NR3C2: variants seen among roughly 807,000 people sequenced by gnomAD.
NR3C2 encodes the protein mineralocorticoid receptor.
A neutral mutation model predicts 86.4 loss-of-function variants in NR3C2; 15 were observed. That is an observed-to-expected ratio of 0.17 (90% CI 0.12 to 0.27). The LOEUF is 0.27. Ranked by LOEUF, NR3C2 falls within the 10% of genes least tolerant of loss-of-function variation. NR3C2 has a pLI of 1.00. For synonymous variants in NR3C2, 458 were observed against 450.5 expected, an observed-to-expected ratio of 1.02 and a Z score of -0.21; for missense variants, 960 against 1,195.6, an observed-to-expected ratio of 0.80 and a Z score of 2.91.
chr4:148,377,905 T>C (rs573512971), intron 2 of NR3C2, among the ~76,000 whole-genome samples: 11 of 151,978 alleles, frequency 7.2e-5, no homozygotes, highest in Non-Finnish European at 1.3e-4. Context: ...GAGAAAGAAA[T>C]GGGTGTGTGG....
At chr4:148,284,267 C>T (rs1309666973) in intron 2 of NR3C2, among the ~76,000 whole-genome samples, 2 of 151,992 alleles carry the variant, frequency 1.3e-5, no homozygotes, top group Non-Finnish European at 2.9e-5. Flanking sequence ...ATTAGAAGGC[C>T]AACCCTCTAC....
intron 2 of NR3C2, among the ~76,000 whole-genome samples, chr4:148,332,395 C>T (rs1172530311): frequency 6.6e-6 from 1 of 151,142 alleles, no homozygotes; most frequent in African/African-American, 2.4e-5. Context: ...TATGATATAA[C>T]CTTTGATGTA....
At chr4:148,317,375 G>A (rs1334001448) in intron 2 of NR3C2, among the ~76,000 whole-genome samples, 1 of 149,176 alleles carries the variant, frequency 6.7e-6, no homozygotes, top group South Asian at 2.1e-4. Flanking sequence ...AAGAAAAAAA[G>A]AAAAAAAAGA....
chr4:148,240,737 C>T (rs1223265504), intron 3 of NR3C2, among the ~76,000 whole-genome samples: 1 of 152,152 alleles, frequency 6.6e-6, no homozygotes, highest in Non-Finnish European at 1.5e-5. Flanking sequence ...TTTTTCCATC[C>T]ACTCCTATTA....
In NR3C2 at chr4:148,126,907, C is replaced by G. The variant is rs143895987; in HGVS notation, c.2511-6619G>C. Among the ~76,000 whole-genome samples the G allele has an allele frequency of 8.3e-3, 1,258 of 152,220 alleles. 60 individuals carry two copies. The highest frequency in any genetic ancestry group is 0.078 in the Admixed American group (1,186 of 15,268). ...TACATGTGAAGCCAGGATCCAAACC[C>G]AGGTTTTTTACTTCAAAACTCAGGC... On this transcript the variant is annotated intron_variant, in intron 6 of 8. Transcript: ENST00000358102.
intron 2 of NR3C2, among the ~76,000 whole-genome samples, chr4:148,320,690 G>T (rs911141082): frequency 6.6e-6 from 1 of 151,986 alleles, no homozygotes; most frequent in African/African-American, 2.4e-5. Flanking sequence ...TTCTCTGATG[G>T]TAGTTTGTAT....
intron 3 of NR3C2, among the ~76,000 whole-genome samples, chr4:148,215,780 G>T (rs868256284): frequency 7.4e-6 from 1 of 134,454 alleles, no homozygotes; most frequent in African/African-American, 2.8e-5. Flanking sequence ...TTGAGGCATA[G>T]TTTTTTTTTT....
intron 2 of NR3C2, among the ~76,000 whole-genome samples, chr4:148,327,753 TGAGATGAAATTGTTTG>T (rs1407261112): frequency 1.3e-5 from 2 of 152,220 alleles, no homozygotes; most frequent in African/African-American, 4.8e-5. Context: ...ACTACCAAGC[TGAGATGAAATTGTTTG>T]GTCTCATCTC....
intron 1 of NR3C2, among the ~76,000 whole-genome samples, chr4:148,441,708 A>C (rs1438946604): frequency 6.6e-6 from 1 of 152,192 alleles, no homozygotes; most frequent in African/African-American, 2.4e-5. Context: ...AAATGCACGA[A>C]TTTCCAGAGC....
intron 2 of NR3C2, among the ~76,000 whole-genome samples, chr4:148,310,303 T>C (rs755826712): frequency 6.6e-6 from 1 of 152,148 alleles, no homozygotes; most frequent in Non-Finnish European, 1.5e-5. Flanking sequence ...CTCCATGTAC[T>C]CCACACCTGC....
intron 6 of NR3C2, among the ~76,000 whole-genome samples, chr4:148,124,460 G>A (rs1325575982): frequency 7.9e-5 from 12 of 152,106 alleles, no homozygotes; most frequent in Non-Finnish European, 1.6e-4. Flanking sequence ...TAGTCTAATT[G>A]TCATTCTCCT....
At chr4:148,397,801 C>G (rs1334906955) in intron 2 of NR3C2, among the ~76,000 whole-genome samples, 1 of 152,086 alleles carries the variant, frequency 6.6e-6, no homozygotes, top group Non-Finnish European at 1.5e-5. Context: ...TTTCAATAAA[C>G]CTAAAATATC....
intron 8 of NR3C2, among the ~76,000 whole-genome samples, chr4:148,106,103 A>C (rs1416576299): frequency 6.6e-6 from 1 of 152,192 alleles, no homozygotes; most frequent in Non-Finnish European, 1.5e-5. Context: ...ATGATTCTAT[A>C]TTTAGAAAAC....
rs927688206 is a variant in NR3C2, at chr4:148,080,086, G to A, written c.*1258C>T. The A allele has an allele frequency of 6.6e-5, 10 of 152,180 alleles. No individual in the cohort carries two copies. The highest frequency in any genetic ancestry group is 2.2e-4 in the African/African-American group (9 of 41,446). The allele number at this position is 152,180 out of a possible 1,614,324, so 9.4% of individuals were successfully genotyped here. ...CTGGTTCTGCTTCTAGAGGAAAAGG[G>A]AAACGAGGCAGCTTTCCCAAAGCTG... On this transcript the variant is annotated 3_prime_UTR_variant, in exon 9 of 9. Transcript: ENST00000358102.
intron 4 of NR3C2, among the ~76,000 whole-genome samples, chr4:148,166,828 C>T (rs546763776): frequency 4.0e-5 from 6 of 150,902 alleles, no homozygotes; most frequent in Non-Finnish European, 7.4e-5. Flanking sequence ...GTGAAGGACC[C>T]GTCCTGGGAG....
At chr4:148,147,715 T>C (rs908607857) in intron 6 of NR3C2, among the ~76,000 whole-genome samples, 1 of 152,224 alleles carries the variant, frequency 6.6e-6, no homozygotes, top group East Asian at 1.9e-4. Context: ...GTGGCATCAC[T>C]ACTGCTCTTT....
intron 3 of NR3C2, among the ~76,000 whole-genome samples, chr4:148,226,422 T>C (rs1738167828): frequency 6.6e-6 from 1 of 152,222 alleles, no homozygotes; most frequent in Non-Finnish European, 1.5e-5. Flanking sequence ...ATCTGGGTTG[T>C]ATGCATCAGT....
chr4:148,358,574 A>C (rs898667210), intron 2 of NR3C2, among the ~76,000 whole-genome samples: 1 of 151,894 alleles, frequency 6.6e-6, no homozygotes, highest in African/African-American at 2.4e-5. Context: ...ATACATATGT[A>C]ACTAACCTGC....
intron 2 of NR3C2, among the ~76,000 whole-genome samples, chr4:148,322,978 T>C: frequency 6.6e-6 from 1 of 150,438 alleles, no homozygotes; most frequent in Non-Finnish European, 1.5e-5. Context: ...TTTCCAGTTT[T>C]TCTGTTCTGT....
Sources: gnomAD v4.1 joint callset for allele counts (sites outside exome capture counted in the v4.1 genomes callset) on GRCh38, gnomAD v4.1.1 for gene constraint, MANE v1.5 for transcripts, NCBI Gene and HGNC (gene_info 2026-07-23, HGNC 2026-07-21) for gene names.